PCAT7: variants seen among roughly 807,000 people sequenced by gnomAD.
PCAT7 encodes prostate cancer associated transcript 7 (non-protein coding).
chr9:94,564,065 A>G (rs572011336), intron 2 of PCAT7, among the ~76,000 whole-genome samples: 1 of 152,322 alleles, frequency 6.6e-6, no homozygotes, highest in Non-Finnish European at 1.5e-5. Flanking sequence ...CCTCACTGAC[A>G]GTAATCACTG....
At chr9:94,560,484 A>G (rs1827080502) in intron 2 of PCAT7, among the ~76,000 whole-genome samples, 1 of 152,132 alleles carries the variant, frequency 6.6e-6, no homozygotes, top group Non-Finnish European at 1.5e-5. Context: ...GCTGCTGTGC[A>G]TGACTCAGTA....
At chr9:94,571,390 C>T in intron 2 of PCAT7, 1 of 1,420,450 alleles carries the variant, frequency 7.0e-7, no homozygotes, top group Non-Finnish European at 9.5e-7. Context: ...GACATTATCG[C>T]AGAGAACTGG....
intron 2 of PCAT7, chr9:94,567,277 A>T (rs1165334772): frequency 6.2e-7 from 1 of 1,614,078 alleles, no homozygotes; most frequent in East Asian, 2.2e-5. Context: ...CACCTCAGGG[A>T]ATTTCTTTTT....
intron 3 of PCAT7, among the ~76,000 whole-genome samples, chr9:94,574,181 T>C (rs1827295142): frequency 6.6e-6 from 1 of 152,198 alleles, no homozygotes. Context: ...CTGATCATTT[T>C]CCCAAGATAA....
At chr9:94,556,256 G>C (rs1047397844) in intron 1 of PCAT7, among the ~76,000 whole-genome samples, 15 of 151,552 alleles carry the variant, frequency 9.9e-5, no homozygotes, top group African/African-American at 3.6e-4. Context: ...TGATGACAGC[G>C]GGAGGGGGAA....
intron 2 of PCAT7, chr9:94,563,272 C>T: frequency 6.4e-7 from 1 of 1,551,698 alleles, no homozygotes; most frequent in Non-Finnish European, 8.8e-7. Context: ...AGCCAAACAG[C>T]AGGTGTGACG....
intron 1 of PCAT7, chr9:94,558,873 C>G: frequency 6.9e-7 from 1 of 1,449,292 alleles, no homozygotes. Context: ...CTCTGTTTAT[C>G]GTTCATTTAG....
chr9:94,567,517 G>C, intron 2 of PCAT7: 1 of 1,348,916 alleles, frequency 7.4e-7, no homozygotes, highest in East Asian at 2.3e-5. Flanking sequence ...GGCAGAGCTG[G>C]GGCTTGGCTG....
intron 2 of PCAT7, chr9:94,568,160 T>A (rs901691135): frequency 1.3e-5 from 2 of 152,078 alleles, no homozygotes; most frequent in African/African-American, 4.8e-5. Flanking sequence ...ACAGTTATTT[T>A]GTTTATGTTA....
intron 3 of PCAT7, among the ~76,000 whole-genome samples, chr9:94,574,561 T>A (rs1013310342): frequency 1.3e-5 from 2 of 152,170 alleles, no homozygotes; most frequent in African/African-American, 2.4e-5. Flanking sequence ...CTTGTATATG[T>A]CACAAATATT....
At chr9:94,563,907 T>C (rs1216960093) in intron 2 of PCAT7, among the ~76,000 whole-genome samples, 1 of 152,140 alleles carries the variant, frequency 6.6e-6, no homozygotes, top group African/African-American at 2.4e-5. Flanking sequence ...CATTACATAA[T>C]GGTAAAGGGC....
intron 2 of PCAT7, among the ~76,000 whole-genome samples, chr9:94,564,291 A>G (rs1038419517): frequency 1.3e-5 from 2 of 152,112 alleles, no homozygotes; most frequent in African/African-American, 4.8e-5. Context: ...CTCTCCAACC[A>G]CGGCCATCTC....
intron 2 of PCAT7, among the ~76,000 whole-genome samples, chr9:94,564,576 C>T (rs73525316): frequency 0.023 from 3,504 of 152,204 alleles, 146 homozygotes; most frequent in African/African-American, 0.08. Context: ...AACCAAATGC[C>T]ACATGTTCTC....
At chr9:94,563,469 A>T (rs1455883291) in intron 2 of PCAT7, 1 of 1,611,866 alleles carries the variant, frequency 6.2e-7, no homozygotes, top group East Asian at 2.2e-5. Flanking sequence ...ATCCTAGAAG[A>T]CAGAAAGCGA....
In PCAT7 at chr9:94,556,205, G is replaced by A. The variant is rs1357174831; in HGVS notation, n.257+895G>A. Among the ~76,000 whole-genome samples the A allele has an allele frequency of 2.0e-5, 3 of 151,422 alleles. No homozygotes were observed. In the East Asian group the frequency reaches 5.9e-4, roughly 30 times the overall value. On this transcript the variant is annotated intron_variant and non_coding_transcript_variant, in intron 1 of 8. Transcript: ENST00000647389. ...TAGGGAAAAGGCTTTGGGAAAAGAC[G>A]GGGGAAAATGTTTTTGCTTATATGA...
intron 2 of PCAT7, among the ~76,000 whole-genome samples, chr9:94,563,143 G>A (rs547577131): frequency 2.0e-5 from 3 of 152,182 alleles, no homozygotes; most frequent in African/African-American, 4.8e-5. Flanking sequence ...GTCACATAAC[G>A]TCAGCCTGTC....
intron 2 of PCAT7, among the ~76,000 whole-genome samples, chr9:94,572,537 G>A (rs2131451568): frequency 6.6e-6 from 1 of 152,284 alleles, no homozygotes; most frequent in South Asian, 2.1e-4. Flanking sequence ...TGAGCACTCA[G>A]AGCTGCTTCT....
At chr9:94,563,590 G>T in intron 2 of PCAT7, 1 of 998,186 alleles carries the variant, frequency 1.0e-6, no homozygotes. Flanking sequence ...CACTAGTGTA[G>T]GAATTGAAAA....
Sources: gnomAD v4.1 joint callset for allele counts (sites outside exome capture counted in the v4.1 genomes callset) on GRCh38, gnomAD v4.1.1 for gene constraint, MANE v1.5 for transcripts, NCBI Gene and HGNC (gene_info 2026-07-23, HGNC 2026-07-21) for gene names.